The following ABTB3 variants were observed in gnomAD, a reference collection of about 807,000 sequenced individuals.
ABTB3 encodes the protein ankyrin repeat and BTB domain containing 3, also known as ankyrin repeat- and BTB/POZ domain-containing protein 3.
chr12:107,427,066 T>C, the ABTB3 span, among the ~76,000 whole-genome samples: 2 of 152,226 alleles, frequency 1.3e-5, no homozygotes, highest in Non-Finnish European at 2.9e-5. Flanking sequence ...TCTTCTCCTA[T>C]GGTCATGGAG....
At chr12:107,566,892 C>T in the ABTB3 span, among the ~76,000 whole-genome samples, 1 of 152,160 alleles carries the variant, frequency 6.6e-6, no homozygotes, top group African/African-American at 2.4e-5. Context: ...ATAGGAGGAT[C>T]ACTTGAGCCC....
the ABTB3 span, chr12:107,318,885 C>A: frequency 1.3e-6 from 2 of 1,505,430 alleles, no homozygotes; most frequent in East Asian, 2.4e-5. Context: ...ACTCGCTGCT[C>A]CTCGCCGCTC....
chr12:107,501,327 C>A, the ABTB3 span, among the ~76,000 whole-genome samples: 1 of 151,552 alleles, frequency 6.6e-6, no homozygotes. Context: ...TTTGGGGCAG[C>A]TTGTTGGAGG....
At chr12:107,469,738 A>G in the ABTB3 span, among the ~76,000 whole-genome samples, 1 of 152,370 alleles carries the variant, frequency 6.6e-6, no homozygotes, top group African/African-American at 2.4e-5. Flanking sequence ...AGGTAATAAT[A>G]GCTTGAATCA....
the ABTB3 span, among the ~76,000 whole-genome samples, chr12:107,441,663 C>G: frequency 6.6e-6 from 1 of 151,404 alleles, no homozygotes; most frequent in East Asian, 1.9e-4. Context: ...GGGGTCCAGA[C>G]ACAGTGGCTC....
At chr12:107,489,340 G>A in the ABTB3 span, among the ~76,000 whole-genome samples, 7 of 152,194 alleles carry the variant, frequency 4.6e-5, no homozygotes, top group East Asian at 1.9e-4. Context: ...GACCAACATC[G>A]TGAAACCCCA....
the ABTB3 span, among the ~76,000 whole-genome samples, chr12:107,390,197 G>T: frequency 6.6e-6 from 1 of 152,176 alleles, no homozygotes; most frequent in Admixed American, 6.5e-5. Flanking sequence ...CATAGGCAAT[G>T]AACCTATGTG....
chr12:107,375,437 C>G, the ABTB3 span, among the ~76,000 whole-genome samples: 1 of 151,238 alleles, frequency 6.6e-6, no homozygotes, highest in Non-Finnish European at 1.5e-5. Context: ...TCATCATCAT[C>G]ATCATCATCA....
the ABTB3 span, among the ~76,000 whole-genome samples, chr12:107,514,293 A>G: frequency 0.015 from 2,261 of 152,312 alleles, 25 homozygotes; most frequent in Non-Finnish European, 0.024. Context: ...AATCAAAGGC[A>G]TTAGTTTGCC....
chr12:107,581,980 T>G, the ABTB3 span, among the ~76,000 whole-genome samples: 1 of 152,140 alleles, frequency 6.6e-6, no homozygotes, highest in Admixed American at 6.5e-5. Context: ...CTCCCCCCAC[T>G]CCCAGCTGTT....
chr12:107,517,542 G>C, the ABTB3 span, among the ~76,000 whole-genome samples: 1 of 152,048 alleles, frequency 6.6e-6, no homozygotes, highest in Admixed American at 6.6e-5. Context: ...CTTTTATTTT[G>C]TTGAGCAATG....
the ABTB3 span, among the ~76,000 whole-genome samples, chr12:107,357,136 C>G: frequency 2.0e-5 from 3 of 152,188 alleles, no homozygotes; most frequent in Non-Finnish European, 4.4e-5. Flanking sequence ...TTCTCTTAGA[C>G]AGCCAGCATA....
the ABTB3 span, among the ~76,000 whole-genome samples, chr12:107,354,655 A>C: frequency 6.6e-6 from 1 of 152,108 alleles, no homozygotes; most frequent in Non-Finnish European, 1.5e-5. Flanking sequence ...ATTGCTGGAC[A>C]TTTGGGTTGT....
chr12:107,535,787 C>T, the ABTB3 span, among the ~76,000 whole-genome samples: 1 of 152,076 alleles, frequency 6.6e-6, no homozygotes, highest in South Asian at 2.1e-4. Flanking sequence ...ACATTCCATG[C>T]TTATGGATTG....
the ABTB3 span, among the ~76,000 whole-genome samples, chr12:107,390,519 T>G: frequency 6.6e-6 from 1 of 152,292 alleles, no homozygotes; most frequent in East Asian, 1.9e-4. Context: ...AAATACTCAC[T>G]GAATTATTAG....
chr12:107,361,368 G>A, the ABTB3 span, among the ~76,000 whole-genome samples: 28 of 152,190 alleles, frequency 1.8e-4, no homozygotes, highest in African/African-American at 6.3e-4. Context: ...GTGTCCTTAC[G>A]TGTCGTGATA....
At chr12:107,432,873 T>C in the ABTB3 span, among the ~76,000 whole-genome samples, 1 of 152,172 alleles carries the variant, frequency 6.6e-6, no homozygotes, top group African/African-American at 2.4e-5. Flanking sequence ...ATGCTCTGGT[T>C]GATCATTCTT....
chr12:107,560,593 C>A, the ABTB3 span, among the ~76,000 whole-genome samples: 4 of 152,176 alleles, frequency 2.6e-5, no homozygotes, highest in Admixed American at 1.3e-4. Flanking sequence ...GGGAAGATCG[C>A]TTTTCACATC....
chr12:107,348,301 A>G, the ABTB3 span, among the ~76,000 whole-genome samples: 2 of 152,220 alleles, frequency 1.3e-5, no homozygotes, highest in African/African-American at 4.8e-5. Context: ...ACACACGCAC[A>G]CACACACACA....
Sources: allele counts gnomAD v4.1 joint callset (sites outside exome capture counted in the v4.1 genomes callset), GRCh38; gene constraint gnomAD v4.1.1; transcripts MANE v1.5; gene names NCBI Gene and HGNC (gene_info 2026-07-23, HGNC 2026-07-21).